ZFPM2: variants seen among roughly 807,000 people sequenced by gnomAD.
The protein encoded by ZFPM2 is zinc finger protein, FOG family member 2, also known as zinc finger protein ZFPM2.
ZFPM2 carries 20 observed loss-of-function variants against 98.6 expected under a neutral mutation model. That is an observed-to-expected ratio of 0.20 (90% CI 0.14 to 0.29). ZFPM2 has a LOEUF of 0.29. Among genes scored for constraint, ZFPM2 ranks in the 10% least tolerant of loss-of-function variants. The pLI is 1.00. For missense variants in ZFPM2, 1,310 were observed against 1,388.6 expected (o/e 0.94, Z 0.90); for synonymous variants, 518 against 502.7 (o/e 1.03, Z -0.41).
At chr8:105,761,052 T>C (rs1432650643) in intron 5 of ZFPM2, among the ~76,000 whole-genome samples, 1 of 151,930 alleles carries the variant, frequency 6.6e-6, no homozygotes, top group Non-Finnish European at 1.5e-5. Context: ...ACAACAAAGG[T>C]ATATCATCTT....
At chr8:105,637,814 G>A (rs902008689) in intron 5 of ZFPM2, among the ~76,000 whole-genome samples, 20 of 152,148 alleles carry the variant, frequency 1.3e-4, no homozygotes, top group African/African-American at 4.6e-4. Flanking sequence ...AAAGCGTTTT[G>A]AAGATGGAAG....
chr8:105,544,286 A>G (rs1439071471), intron 3 of ZFPM2, among the ~76,000 whole-genome samples: 4 of 152,190 alleles, frequency 2.6e-5, no homozygotes, highest in African/African-American at 9.7e-5. Flanking sequence ...CATACAGTAG[A>G]ATATATTTAC....
At chr8:105,731,638 A>C (rs1811941980) in intron 5 of ZFPM2, among the ~76,000 whole-genome samples, 1 of 151,668 alleles carries the variant, frequency 6.6e-6, no homozygotes, top group Non-Finnish European at 1.5e-5. Flanking sequence ...AGTTTATAAT[A>C]TAGAGGGGGA....
At chr8:105,370,049 T>C (rs1301292881) in intron 1 of ZFPM2, among the ~76,000 whole-genome samples, 2 of 152,132 alleles carry the variant, frequency 1.3e-5, no homozygotes, top group African/African-American at 4.8e-5. Flanking sequence ...TGTATGGTAA[T>C]AAGTGAGAGG....
At chr8:105,778,083 T>C (rs919792282) in intron 5 of ZFPM2, among the ~76,000 whole-genome samples, 15 of 152,236 alleles carry the variant, frequency 9.9e-5, no homozygotes, top group African/African-American at 3.6e-4. Context: ...TCCAAAGCGG[T>C]TTTCAAAGAA....
chr8:105,716,066 TTTTTC>T (rs1331792246), intron 5 of ZFPM2, among the ~76,000 whole-genome samples: 6 of 151,754 alleles, frequency 4.0e-5, no homozygotes, highest in African/African-American at 1.4e-4. Context: ...GAAAAAAGAA[TTTTTC>T]TTTTCTTTTC....
intron 3 of ZFPM2, among the ~76,000 whole-genome samples, chr8:105,536,971 T>C (rs1345232770): frequency 6.6e-6 from 1 of 152,196 alleles, no homozygotes; most frequent in Non-Finnish European, 1.5e-5. Context: ...AGGTCATCAC[T>C]GCCATAAATT....
intron 5 of ZFPM2, among the ~76,000 whole-genome samples, chr8:105,639,024 A>G (rs1816901609): frequency 6.6e-6 from 1 of 152,034 alleles, no homozygotes; most frequent in African/African-American, 2.4e-5. Flanking sequence ...ATTATTCTCA[A>G]CAGACTCCAG....
intron 3 of ZFPM2, among the ~76,000 whole-genome samples, chr8:105,497,678 T>C (rs1813502832): frequency 6.6e-6 from 1 of 152,152 alleles, no homozygotes. Context: ...GAACACTTTG[T>C]TTCTCTTTTA....
chr8:105,732,478 C>T (rs568196527), intron 5 of ZFPM2, among the ~76,000 whole-genome samples: 5 of 151,892 alleles, frequency 3.3e-5, no homozygotes, highest in South Asian at 2.1e-4. Context: ...TGTGTGTGAG[C>T]TGATAACATT....
In ZFPM2 at chr8:105,393,732, T is replaced by C. The variant is rs1811164101; in HGVS notation, c.41-25412T>C. 2.6e-5 allele frequency among the ~76,000 whole-genome samples: 4 copies of C among 152,116 alleles called. No individual in the cohort carries two copies. The South Asian group carries it at 8.3e-4, about 32-fold the overall frequency. On this transcript the variant is annotated intron_variant, in intron 1 of 7. Transcript: ENST00000407775. ...TGTGTTTATTTACCAGAGAGTTTGA[T>C]TGTTGATTCCTAAACTGGAAATTAA...
intron 1 of ZFPM2, among the ~76,000 whole-genome samples, chr8:105,414,351 T>C (rs187012555): frequency 1.9e-3 from 283 of 152,102 alleles, no homozygotes; most frequent in African/African-American, 6.6e-3. Context: ...CTTAGATGCT[T>C]CTTATTCTGA....
intron 5 of ZFPM2, among the ~76,000 whole-genome samples, chr8:105,701,733 A>T (rs1465731271): frequency 6.6e-6 from 1 of 152,240 alleles, no homozygotes; most frequent in African/African-American, 2.4e-5. Flanking sequence ...TATAGTCTTC[A>T]TGGTGATGAT....
chr8:105,673,378 TAGTC>T (rs927392972), intron 5 of ZFPM2, among the ~76,000 whole-genome samples: 16 of 151,996 alleles, frequency 1.1e-4, no homozygotes, highest in African/African-American at 3.6e-4. Context: ...TTCAAAATGA[TAGTC>T]AGCAACCACT....
At position 105,318,924 on chromosome 8, in the gene ZFPM2, G is replaced by T. The variant is rs1647948979; in HGVS notation, c.-18G>T. On this transcript the variant is annotated 5_prime_UTR_variant, in exon 1 of 8. Transcript: ENST00000407775. ...CGCGGGCACCGCGGGAGCCCCAGCG[G>T]CAGCAGCCGCCGCCGAGATGTCCCG... The T allele has an allele frequency of 1.4e-6, 2 of 1,407,842 alleles. No individual in the cohort carries two copies. The highest frequency in any genetic ancestry group is 1.9e-6 in the Non-Finnish European group (2 of 1,065,582). The allele number at this position is 1,407,842 out of a possible 1,614,324, so 87.2% of individuals were successfully genotyped here.
intron 1 of ZFPM2, among the ~76,000 whole-genome samples, chr8:105,401,742 G>C (rs957112632): frequency 4.6e-5 from 7 of 151,984 alleles, no homozygotes; most frequent in African/African-American, 1.7e-4. Context: ...TTATGAAAAG[G>C]GGTACTTACA....
intron 3 of ZFPM2, among the ~76,000 whole-genome samples, chr8:105,477,701 A>G (rs1253730975): frequency 1.3e-5 from 2 of 152,234 alleles, no homozygotes; most frequent in Admixed American, 1.3e-4. Flanking sequence ...CATAGTTGTT[A>G]GTAACGATCT....
chr8:105,648,653 G>C (rs1383671043), intron 5 of ZFPM2, among the ~76,000 whole-genome samples: 5 of 152,072 alleles, frequency 3.3e-5, no homozygotes, highest in Admixed American at 6.6e-5. Flanking sequence ...CCCATTTCTT[G>C]TTTTTGTCAG....
chr8:105,566,216 TC>T (rs1563722687), intron 4 of ZFPM2, among the ~76,000 whole-genome samples: 1 of 152,162 alleles, frequency 6.6e-6, no homozygotes, highest in Non-Finnish European at 1.5e-5. Context: ...GCTCCGAAGG[TC>T]TGCACTACCT....
Sources: gnomAD v4.1 joint callset for allele counts (sites outside exome capture counted in the v4.1 genomes callset) on GRCh38, gnomAD v4.1.1 for gene constraint, MANE v1.5 for transcripts, NCBI Gene and HGNC (gene_info 2026-07-23, HGNC 2026-07-21) for gene names.